Variants in RET observed in about 807,000 individuals in gnomAD.
The protein encoded by RET is ret proto-oncogene.
RET carries 19 observed loss-of-function variants against 118.3 expected under a neutral mutation model. That is an observed-to-expected ratio of 0.16 (90% CI 0.11 to 0.24). The LOEUF (loss-of-function observed/expected upper bound fraction) is 0.24, where lower values mean the gene tolerates loss of function less well. Ranked by LOEUF, RET falls within the 10% of genes least tolerant of loss-of-function variation. RET has a pLI of 1.00. For synonymous variants in RET, 597 were observed against 644.1 expected (o/e 0.93, Z 1.11); for missense variants, 1,219 against 1,502.1 (o/e 0.81, Z 3.12).
intron 1 of RET, among the ~76,000 whole-genome samples, chr10:43,085,374 C>G (rs1197799201): frequency 6.6e-6 from 1 of 152,218 alleles, no homozygotes; most frequent in African/African-American, 2.4e-5. Flanking sequence ...CTGCTGAACT[C>G]TCTCCTTTGG....
Position 43,113,607 on chromosome 10 carries a change from C to T in RET, c.1811C>T (p.Ala604Val), listed in dbSNP as rs1286776938. ...CCTGGGGAGCCCCGGGGGATTAAAG[C>T]TGGCTATGGCACCTGCAACTGCTTC... ...HEPGEPRGIKAGYGTCNCFPE... is the reference protein window; with the variant it reads ...HEPGEPRGIKVGYGTCNCFPE... The change falls in exon 10 of 20, where the codon GCT becomes GTT. Residue 604 changes from alanine (A) to valine (V), a missense_variant. This residue lies in a region of RET where 850 missense variants were observed against 969.6 expected (regional missense o/e 0.88). Transcript: ENST00000355710. 2 of 1,612,604 alleles carry T rather than the reference C, an allele frequency of 1.2e-6. No individual in the cohort carries two copies. Among genetic ancestry groups the T allele is most frequent in the Admixed American group, 1.7e-5 (1 of 59,852 alleles).
In RET at chr10:43,111,980, C is replaced by T. The variant is rs1564494763; in HGVS notation, c.1523-119C>T. 31 of 1,411,510 alleles carry T rather than the reference C, an allele frequency of 2.2e-5. No individual in the cohort carries two copies. In the South Asian group the frequency reaches 2.5e-4, roughly 11 times the overall value. The allele number at this position is 1,411,510 out of a possible 1,614,324, so 87.4% of individuals were successfully genotyped here. On this transcript the variant is annotated intron_variant, in intron 7 of 19. Coordinates refer to ENST00000355710, the MANE Select transcript of RET (RefSeq NM_020975.6). Reference sequence around the variant, plus strand: ...CTTTGCTGCCCTGGGTCTGTCACTCCGGTCCCCTTGGGCTCCATCCGTGGG... The same window carrying T: ...CTTTGCTGCCCTGGGTCTGTCACTCTGGTCCCCTTGGGCTCCATCCGTGGG...
At chr10:43,083,714 C>G (rs28409950) in intron 1 of RET, among the ~76,000 whole-genome samples, 55,813 of 151,976 alleles carry the variant, frequency 0.37, 10,422 homozygotes, top group South Asian at 0.42. Flanking sequence ...AGCAGGGGCT[C>G]CTGGCGGGCC....
At chr10:43,118,249 T>A in intron 12 of RET, 124 bp from the exon 13 acceptor site, 1 of 766,968 alleles carries the variant, frequency 1.3e-6, no homozygotes, top group Admixed American at 2.0e-5. Context: ...TCAAGCAGCA[T>A]CGTCTTTGCA....
intron 1 of RET, among the ~76,000 whole-genome samples, chr10:43,087,388 A>T (rs981394079): frequency 3.9e-5 from 6 of 152,210 alleles, no homozygotes; most frequent in African/African-American, 1.4e-4. Flanking sequence ...CACTGCCATG[A>T]TGATAACTGG....
Position 43,119,583 on chromosome 10 carries a change from C to T in RET, c.2445C>T (p.Phe815=), listed in dbSNP as rs751447014. The T allele has an allele frequency of 3.1e-6, 5 of 1,611,462 alleles. No individual in the cohort carries two copies. In the African/African-American group the frequency reaches 5.3e-5, roughly 17 times the overall value. ...EYAKYGSLRG[F]LRESRKVGPG... The stretch of plus-strand genomic sequence containing the variant: ...CCAAATACGGCTCCCTGCGGGGCTT[C>T]CTCCGCGAGAGCCGCAAAGTGGGGC... Residue 815 remains phenylalanine (F), a synonymous_variant, in exon 14 of 20, where the codon TTC becomes TTT. Transcript: ENST00000355710.
chr10:43,085,284 C>G (rs1837266006), intron 1 of RET, among the ~76,000 whole-genome samples: 1 of 152,184 alleles, frequency 6.6e-6, no homozygotes, highest in Non-Finnish European at 1.5e-5. Context: ...TGGCAAACAG[C>G]GGGGAAGCAC....
chr10:43,127,187 G>A (rs754254269), intron 19 of RET: 96 of 1,087,812 alleles, frequency 8.8e-5, no homozygotes, highest in Non-Finnish European at 1.0e-4. Context: ...GGGCAGGCAG[G>A]TGCCTCTCAG....
chr10:43,089,825 T>C (rs529542388), intron 1 of RET, among the ~76,000 whole-genome samples: 1 of 152,254 alleles, frequency 6.6e-6, no homozygotes, highest in Non-Finnish European at 1.5e-5. Flanking sequence ...GTATGGGCAC[T>C]GTCTGTCAGC....
At chr10:43,111,831 C>T (rs543834940) in intron 7 of RET, among the ~76,000 whole-genome samples, 2 of 152,348 alleles carry the variant, frequency 1.3e-5, no homozygotes, top group Admixed American at 6.5e-5. Context: ...TCCCACAGGG[C>T]GTCGTTGGCT....
rs3026760 is a variant in RET, at chr10:43,114,728, A to G, written c.2128A>G (p.Lys710Glu). ...MENQVSVDAFKILEDPKWEFP... is the reference protein window; with the variant it reads ...MENQVSVDAFEILEDPKWEFP... ...GAACCAGGTCTCCGTGGATGCCTTC[A>G]AGATCCTGGTGAGGGTCCCTGCGGG... The change falls in exon 11 of 20, where the codon AAG becomes GAG. Residue 710 changes from lysine to glutamate, a missense_variant. Coordinates refer to ENST00000355710, the MANE Select transcript of RET (RefSeq NM_020975.6). This position sits in a 1 kb window ranked among gnomAD's most constrained non-coding sequence, Gnocchi z 4.6. The G allele has an allele frequency of 3.1e-6, 5 of 1,609,660 alleles. No individual in the cohort carries two copies. Among genetic ancestry groups the G allele is most frequent in the Non-Finnish European group, 4.2e-6 (5 of 1,179,458 alleles).
At chr10:43,101,357 T>C (rs1184595032) in intron 2 of RET, among the ~76,000 whole-genome samples, 2 of 152,228 alleles carry the variant, frequency 1.3e-5, no homozygotes, top group Non-Finnish European at 2.9e-5. Context: ...ACAACCACCC[T>C]GAGCCCTGTC....
At position 43,126,742 on chromosome 10, in the gene RET, T is replaced by C. The variant is rs2133038565; in HGVS notation, c.3187+20T>C. Reference sequence around the variant, plus strand: ...TCTATGGTAGAATTTCCCATGCATTTACTAGATTCTAGCACCGCTGTCCCC... The same window carrying C: ...TCTATGGTAGAATTTCCCATGCATTCACTAGATTCTAGCACCGCTGTCCCC... On this transcript the variant is annotated intron_variant, in intron 19 of 19. Transcript: ENST00000355710. The C allele has an allele frequency of 1.2e-6, 2 of 1,613,368 alleles. No homozygotes were observed. Among genetic ancestry groups the C allele is most frequent in the Non-Finnish European group, 1.7e-6 (2 of 1,179,636 alleles).
chr10:43,116,324 C>T (rs759735222), intron 11 of RET, among the ~76,000 whole-genome samples: 1 of 152,200 alleles, frequency 6.6e-6, no homozygotes, highest in Non-Finnish European at 1.5e-5. Context: ...AGACAGTAGA[C>T]CAGGAACCAG....
chr10:43,079,574 AC>A (rs1192648614), intron 1 of RET, among the ~76,000 whole-genome samples: 1 of 152,090 alleles, frequency 6.6e-6, no homozygotes, highest in Non-Finnish European at 1.5e-5. Context: ...TCCCAGGCTG[AC>A]CCTGCACCTC....
rs144801580 is a variant in RET at position 43,102,552 on chromosome 10, G to A, written c.548G>A (p.Gly183Asp). The change falls in exon 3 of 20, where the codon GGC (glycine) becomes GAC (aspartate). Residue 183 changes from glycine to aspartate, a missense_variant. By Grantham distance (94) the Gly-to-Asp change is moderately conservative (BLOSUM62 -1). Coordinates refer to ENST00000355710, the MANE Select transcript of RET (RefSeq NM_020975.6). ...CGCATTCGGGAGAACCGACCCCCAG[G>A]CACCTTCCACCAGTTCCGCCTGCTG... ...SFRIRENRPP[G>D]TFHQFRLLPV... 2 of 1,614,032 alleles carry A rather than the reference G, an allele frequency of 1.2e-6. No homozygotes were observed. The highest frequency in any genetic ancestry group is 2.7e-5 in the African/African-American group (2 of 74,916).
At chr10:43,099,979 T>A (rs1165817288) in intron 1 of RET, among the ~76,000 whole-genome samples, 1 of 152,266 alleles carries the variant, frequency 6.6e-6, no homozygotes, top group Non-Finnish European at 1.5e-5. Context: ...TTTCCAACTA[T>A]GGCATTTGAT....
At chr10:43,094,276 A>G (rs988764299) in intron 1 of RET, among the ~76,000 whole-genome samples, 3 of 151,922 alleles carry the variant, frequency 2.0e-5, no homozygotes, top group Admixed American at 1.3e-4. Context: ...TGCATTAGGA[A>G]ATCGTCTCTT....
chr10:43,106,398 G>A lies in RET; in HGVS notation c.890G>A (p.Arg297His), dbSNP rs1480040525. The A allele has an allele frequency of 9.9e-6, 16 of 1,612,216 alleles. No homozygotes were observed. The highest frequency in any genetic ancestry group is 8.9e-5 in the East Asian group (4 of 44,888). ...RKEDTVVATL[R>H]VFDADVVPAS... is the part of the protein sequence containing the mutation. ...CAGGACACCGTGGTGGCCACGCTGC[G>A]TGTCTTCGATGCAGACGTGGTACCT... The change falls in exon 5 of 20, where the codon CGT becomes CAT. Residue 297 changes from arginine to histidine, a missense_variant. Physicochemically the swap from Arg to His is conservative, Grantham distance 29. Around this residue, in one of 5 missense-constraint regions of RET, gnomAD observed 850 missense variants for 969.6 expected, o/e 0.88. Transcript: ENST00000355710. The surrounding 1 kb of genome is among the most constrained non-coding windows in gnomAD (Gnocchi z 5.1).
Sources: gnomAD v4.1 joint callset for allele counts (sites outside exome capture counted in the v4.1 genomes callset) on GRCh38, gnomAD v4.1.1 for gene constraint, gnomAD v4.1.1 regional missense constraint, Gnocchi (gnomAD v3.1) non-coding constraint, MANE v1.5 for transcripts, NCBI Gene and HGNC (gene_info 2026-07-23, HGNC 2026-07-21) for gene names.